ZDHHC15: variants seen among roughly 807,000 people sequenced by gnomAD.
The protein encoded by ZDHHC15 is zDHHC palmitoyltransferase 15.
Under a neutral mutation model 31.7 loss-of-function variants are expected in ZDHHC15, and 19 were observed. The ratio of observed to expected loss-of-function variants is 0.60; its 90% CI spans 0.42 to 0.88. The LOEUF (loss-of-function observed/expected upper bound fraction) is 0.88, where lower values mean the gene tolerates loss of function less well. Among genes scored for constraint, ZDHHC15 ranks in the 40% least tolerant of loss-of-function variants. ZDHHC15 has a pLI of 0.00. For missense variants in ZDHHC15, 209 were observed against 251.2 expected (o/e 0.83, Z 1.14); for synonymous variants, 103 against 90.0 (o/e 1.14, Z -0.82).
chrX:75,495,529 C>T (rs898008003), intron 2 of ZDHHC15, among the ~76,000 whole-genome samples: 2 of 110,654 alleles, frequency 1.8e-5, no homozygotes, highest in Non-Finnish European at 3.8e-5. Flanking sequence ...TTGGAACCAA[C>T]CCAAATATCC....
chrX:75,376,487 T>C (rs1032558737), intron 11 of ZDHHC15, among the ~76,000 whole-genome samples: 4 of 111,406 alleles, frequency 3.6e-5, no homozygotes, highest in Non-Finnish European at 7.5e-5. Flanking sequence ...AGGCCAATGT[T>C]GAGAAGGGTA....
chrX:75,377,541 C>T (rs894451026), intron 11 of ZDHHC15, among the ~76,000 whole-genome samples: 8 of 110,212 alleles, frequency 7.3e-5, no homozygotes, highest in Non-Finnish European at 1.5e-4. Flanking sequence ...GTGATTTCCA[C>T]AAAATGAATC....
At chrX:75,406,493 C>A (rs1477599844) in intron 10 of ZDHHC15, among the ~76,000 whole-genome samples, 1 of 110,354 alleles carries the variant, frequency 9.1e-6, no homozygotes, top group African/African-American at 3.3e-5. Flanking sequence ...TAAATAGAAT[C>A]AGAAGTGAAA....
chrX:75,459,250 T>A (rs760791200), intron 3 of ZDHHC15, among the ~76,000 whole-genome samples: 20 of 110,545 alleles, frequency 1.8e-4, no homozygotes, highest in African/African-American at 6.6e-4. Flanking sequence ...AGGTGGGAGA[T>A]CCATTTGTAC....
intron 3 of ZDHHC15, among the ~76,000 whole-genome samples, chrX:75,456,140 T>A (rs1390672927): frequency 9.0e-6 from 1 of 111,498 alleles, no homozygotes; most frequent in African/African-American, 3.3e-5. Flanking sequence ...TAAGAAAATG[T>A]GGCACATATA....
chrX:75,448,883 C>T (rs1049350248), intron 4 of ZDHHC15, among the ~76,000 whole-genome samples: 2 of 110,436 alleles, frequency 1.8e-5, no homozygotes, highest in African/African-American at 3.3e-5. Flanking sequence ...GATTAGCATT[C>T]GAATCTAGAC....
At chrX:75,499,412 A>ATCCAG (rs2085056956) in intron 2 of ZDHHC15, among the ~76,000 whole-genome samples, 1 of 111,837 alleles carries the variant, frequency 8.9e-6, no homozygotes, top group Non-Finnish European at 1.9e-5. Context: ...ATCTACAAGG[A>ATCCAG]ACTCAAACAA....
In ZDHHC15 at chrX:75,373,926, G is replaced by GTTTTTTTTTTTTTTTT. The variant is rs35704680; in HGVS notation, c.*33-997_*33-982dup. 1.8e-4 allele frequency among the ~76,000 whole-genome samples: 9 copies of GTTTTTTTTTTTTTTTT among 50,459 alleles called. 2 individuals are homozygous for GTTTTTTTTTTTTTTTT. The highest frequency in any genetic ancestry group is 2.4e-4 in the Non-Finnish European group (7 of 29,379). 43.8% of individuals were successfully genotyped at this position (50,459 alleles called of 115,157 possible). A position where few individuals can be genotyped will look rare whatever the true frequency, so the allele number is the denominator to read the frequency against. ...ATACTAGGTCTTATTCATTCTTTCT[G>GTTTTTTTTTTTTTTTT]TTTTTTTTTTTTTTTTTTTTTTGTA... On this transcript the variant is annotated intron_variant, in intron 11 of 11. Transcript: ENST00000373367.
chrX:75,509,961 C>T (rs752682571), intron 1 of ZDHHC15, among the ~76,000 whole-genome samples: 114 of 111,526 alleles, frequency 1.0e-3, no homozygotes, highest in Non-Finnish European at 1.9e-3. Flanking sequence ...AACTTTGATT[C>T]CCCCCACTTT....
chrX:75,487,221 T>C (rs1261857413), intron 2 of ZDHHC15, among the ~76,000 whole-genome samples: 1 of 111,959 alleles, frequency 8.9e-6, no homozygotes, highest in Non-Finnish European at 1.9e-5. Context: ...AACCAGTATT[T>C]GAAAAAAGCC....
At chrX:75,407,846 T>C (rs1354396476) in intron 10 of ZDHHC15, among the ~76,000 whole-genome samples, 1 of 112,257 alleles carries the variant, frequency 8.9e-6, no homozygotes, top group African/African-American at 3.2e-5. Flanking sequence ...CATAGGAGAC[T>C]CCATTTTGTT....
chrX:75,469,289 G>A (rs1216133828), intron 3 of ZDHHC15, among the ~76,000 whole-genome samples: 1 of 111,386 alleles, frequency 9.0e-6, no homozygotes, highest in Non-Finnish European at 1.9e-5. Context: ...ATAGTTCAGT[G>A]GTATTAAGTA....
At chrX:75,378,375 G>A (rs1336301037) in intron 11 of ZDHHC15, among the ~76,000 whole-genome samples, 3 of 111,902 alleles carry the variant, frequency 2.7e-5, no homozygotes, top group African/African-American at 6.5e-5. Context: ...TATACAATAT[G>A]TACACTTGTA....
chrX:75,443,000 A>AG (rs1374000783), intron 4 of ZDHHC15, among the ~76,000 whole-genome samples: 2 of 109,618 alleles, frequency 1.8e-5, no homozygotes, highest in African/African-American at 3.3e-5. Flanking sequence ...AAAAAAAAAA[A>AG]AAAGAAAAAA....
In ZDHHC15 at chrX:75,445,975, C is replaced by A. The variant is rs190388484; in HGVS notation, c.379+4827G>T. On this transcript the variant is annotated intron_variant, in intron 4 of 11. Transcript: ENST00000373367. ...GACAATGTTGATTCTCCTCTGGACC[C>A]ATCCCTCTTTGCTTCTAAGGCCTAT... Among the ~76,000 whole-genome samples, 276 of 111,074 alleles carry A rather than the reference C, an allele frequency of 2.5e-3. 2 individuals are homozygous for A. The highest frequency in any genetic ancestry group is 4.7e-3 in the Middle Eastern group (1 of 211).
At chrX:75,436,960 C>A (rs973042203) in intron 4 of ZDHHC15, among the ~76,000 whole-genome samples, 7 of 112,167 alleles carry the variant, frequency 6.2e-5, no homozygotes, top group African/African-American at 2.3e-4. Flanking sequence ...CGGCTCACTG[C>A]AAGCTCTGCC....
chrX:75,476,004 T>C (rs1237335546), intron 3 of ZDHHC15, among the ~76,000 whole-genome samples: 1 of 111,463 alleles, frequency 9.0e-6, no homozygotes, highest in African/African-American at 3.3e-5. Context: ...TTAGTTTCCT[T>C]TCAGATTGTT....
intron 3 of ZDHHC15, among the ~76,000 whole-genome samples, chrX:75,476,467 T>A (rs762475964): frequency 9.0e-5 from 10 of 111,155 alleles, no homozygotes; most frequent in Non-Finnish European, 1.7e-4. Context: ...GTTTTTCCAT[T>A]TCATCTAGGT....
chrX:75,472,182 C>T (rs1427427743), intron 3 of ZDHHC15, among the ~76,000 whole-genome samples: 2 of 111,739 alleles, frequency 1.8e-5, no homozygotes, highest in Admixed American at 1.9e-4. Context: ...TGCCTTCTCT[C>T]CCCCAGCCTG....
Sources: allele counts gnomAD v4.1 joint callset (sites outside exome capture counted in the v4.1 genomes callset), GRCh38; gene constraint gnomAD v4.1.1; transcripts MANE v1.5; gene names NCBI Gene and HGNC (gene_info 2026-07-23, HGNC 2026-07-21).